Variants in LRP1B observed in about 807,000 individuals in gnomAD.
The protein encoded by LRP1B is LDL receptor related protein 1B.
LRP1B carries 217 observed loss-of-function variants against 556.6 expected under a neutral mutation model. That is an observed-to-expected ratio of 0.39 (90% CI 0.35 to 0.44). LRP1B has a LOEUF of 0.44. LRP1B is among the 20% of genes least tolerant of loss of function. The pLI is 1.00. For missense variants in LRP1B, 5,053 were observed against 5,620.8 expected, an observed-to-expected ratio of 0.90 and a Z score of 3.23; for synonymous variants, 2,047 against 1,865.8, an observed-to-expected ratio of 1.10 and a Z score of -2.50.
intron 2 of LRP1B, among the ~76,000 whole-genome samples, chr2:141,695,516 G>A (rs576671766): frequency 2.0e-5 from 3 of 152,066 alleles, no homozygotes; most frequent in Non-Finnish European, 1.5e-5. Flanking sequence ...CTTTGAAGAT[G>A]AGGAAGGCTT....
At chr2:140,852,317 A>G (rs956894698) in intron 27 of LRP1B, among the ~76,000 whole-genome samples, 1 of 152,138 alleles carries the variant, frequency 6.6e-6, no homozygotes, top group African/African-American at 2.4e-5. Context: ...ACAGAGTGAG[A>G]CTCCATCTCA....
chr2:141,450,536 A>C (rs1164374259), intron 3 of LRP1B, among the ~76,000 whole-genome samples: 1 of 151,876 alleles, frequency 6.6e-6, no homozygotes, highest in Admixed American at 6.6e-5. Flanking sequence ...CACTGATGAG[A>C]CAGAATCCTA....
chr2:141,280,861 G>A (rs1035211862), intron 3 of LRP1B, among the ~76,000 whole-genome samples: 1 of 151,984 alleles, frequency 6.6e-6, no homozygotes, highest in Admixed American at 6.6e-5. Flanking sequence ...TAGCTGATTA[G>A]AGAGTTTGCC....
chr2:140,565,445 A>G (rs573372734), intron 43 of LRP1B, among the ~76,000 whole-genome samples: 3 of 152,212 alleles, frequency 2.0e-5, no homozygotes, highest in Admixed American at 2.0e-4. Flanking sequence ...ACAAAAATTG[A>G]AATGGTGCCA....
chr2:140,782,903 T>A (rs559101740), intron 32 of LRP1B, among the ~76,000 whole-genome samples: 1 of 152,186 alleles, frequency 6.6e-6, no homozygotes, highest in Admixed American at 6.5e-5. Context: ...AATGGAAAAG[T>A]GAAAGGTGGC....
chr2:140,562,118 C>T (rs35454603), intron 43 of LRP1B, among the ~76,000 whole-genome samples: 18,989 of 152,014 alleles, frequency 0.12, 1,282 homozygotes, highest in East Asian at 0.23. Flanking sequence ...AATCTACAAG[C>T]TAACACAATA....
intron 43 of LRP1B, among the ~76,000 whole-genome samples, chr2:140,575,296 T>C (rs1681476190): frequency 6.6e-6 from 1 of 152,198 alleles, no homozygotes; most frequent in African/African-American, 2.4e-5. Context: ...TTCCAACAGC[T>C]ATATTATTTA....
At chr2:141,636,805 T>C (rs926779692) in intron 2 of LRP1B, among the ~76,000 whole-genome samples, 2 of 151,992 alleles carry the variant, frequency 1.3e-5, no homozygotes, top group African/African-American at 4.8e-5. Context: ...TAATCACCTA[T>C]CAGACATATG....
chr2:141,847,046 C>T (rs1287359921), intron 1 of LRP1B, among the ~76,000 whole-genome samples: 1 of 151,396 alleles, frequency 6.6e-6, no homozygotes, highest in Non-Finnish European at 1.5e-5. Context: ...TATGACTGTT[C>T]TTTGTTTCAT....
chr2:141,519,791 T>G (rs1484614001), intron 2 of LRP1B, among the ~76,000 whole-genome samples: 1 of 152,100 alleles, frequency 6.6e-6, no homozygotes. Context: ...GCGTTCTTTC[T>G]TGCCAGTAGC....
In LRP1B at chr2:141,090,284, G is replaced by A. The variant is rs557160581; in HGVS notation, c.1014-28011C>T. ...AAAATAAAAGCAAAAAGATTACTAT[G>A]ACTAAGTGGCTATAAATACTGGATG... is the stretch of plus-strand genomic sequence containing the variant. On this transcript the variant is annotated intron_variant, in intron 7 of 90. Transcript: ENST00000389484. Among the ~76,000 whole-genome samples, 7 of 152,278 alleles carry A rather than the reference G, an allele frequency of 4.6e-5. No homozygotes were observed. The East Asian group carries it at 1.3e-3, about 29-fold the overall frequency.
At position 140,823,378 on chromosome 2, in the gene LRP1B, A is replaced by G. The variant is rs532525197; in HGVS notation, c.5210-9572T>C. 2.6e-5 allele frequency among the ~76,000 whole-genome samples: 4 copies of G among 152,306 alleles called. 1 individual carries two copies. The South Asian group carries it at 8.3e-4, about 32-fold the overall frequency. On this transcript the variant is annotated intron_variant, in intron 31 of 90. Coordinates refer to ENST00000389484, the MANE Select transcript of LRP1B (RefSeq NM_018557.3). ...AGCTCACACAGACTCATCATTAAAT[A>G]ATAATTACAATAATTGCTTGCAATA... is the stretch of plus-strand genomic sequence containing the variant.
At chr2:141,387,956 G>A (rs1041256125) in intron 3 of LRP1B, among the ~76,000 whole-genome samples, 2 of 151,932 alleles carry the variant, frequency 1.3e-5, no homozygotes, top group South Asian at 2.1e-4. Flanking sequence ...ATCCAACAAC[G>A]TATTAAAAAG....
intron 17 of LRP1B, among the ~76,000 whole-genome samples, chr2:140,987,519 G>T (rs752164466): frequency 3.3e-5 from 5 of 152,048 alleles, no homozygotes; most frequent in African/African-American, 1.2e-4. Flanking sequence ...AATCACAAAT[G>T]CTTCTTTAAA....
chr2:141,501,341 T>G (rs868287662), intron 2 of LRP1B, among the ~76,000 whole-genome samples: 1 of 152,246 alleles, frequency 6.6e-6, no homozygotes, highest in South Asian at 2.1e-4. Flanking sequence ...AGTCCCATAA[T>G]ATGAGATTCT....
chr2:141,617,352 TAAAC>T (rs1440877066), intron 2 of LRP1B, among the ~76,000 whole-genome samples: 1 of 152,138 alleles, frequency 6.6e-6, no homozygotes, highest in African/African-American at 2.4e-5. Flanking sequence ...TTATGGAAAA[TAAAC>T]AGACTAACTT....
chr2:140,717,555 T>C (rs1000956239), intron 35 of LRP1B, among the ~76,000 whole-genome samples: 1 of 151,872 alleles, frequency 6.6e-6, no homozygotes, highest in African/African-American at 2.4e-5. Flanking sequence ...ATAAATGAAA[T>C]ATATGTGCAT....
intron 7 of LRP1B, among the ~76,000 whole-genome samples, chr2:141,183,435 A>ACAGTAAGGATC (rs111591425): frequency 0.015 from 2,244 of 152,174 alleles, 22 homozygotes; most frequent in Middle Eastern, 0.041. Context: ...ATTAGCTTCA[A>ACAGTAAGGATC]CAGGTGGGTG....
chr2:141,396,249 A>G (rs1166865260), intron 3 of LRP1B, among the ~76,000 whole-genome samples: 1 of 152,234 alleles, frequency 6.6e-6, no homozygotes, highest in Non-Finnish European at 1.5e-5. Context: ...CACAAAATTT[A>G]TACAATCGAT....
Sources: allele counts gnomAD v4.1 joint callset (sites outside exome capture counted in the v4.1 genomes callset), GRCh38; gene constraint gnomAD v4.1.1; transcripts MANE v1.5; gene names NCBI Gene and HGNC (gene_info 2026-07-23, HGNC 2026-07-21).